Variants in INPP4B observed in about 807,000 individuals in gnomAD.
The protein encoded by INPP4B is inositol polyphosphate 4-phosphatase type II.
A neutral mutation model predicts 122.5 loss-of-function variants in INPP4B; 55 were observed. That is an observed-to-expected ratio of 0.45 (90% CI 0.36 to 0.56). The LOEUF is 0.56. Among genes scored for constraint, INPP4B ranks in the 20% least tolerant of loss-of-function variants. The probability of loss-of-function intolerance (pLI) is 0.00; values close to 1 mark genes in which losing one functional copy is unlikely to be tolerated. For synonymous variants in INPP4B, 403 were observed against 388.7 expected (o/e 1.04, Z -0.43); for missense variants, 1,000 against 1,097.7 (o/e 0.91, Z 1.26).
chr4:142,520,366 A>G (rs571869855), intron 2 of INPP4B, among the ~76,000 whole-genome samples: 102 of 152,086 alleles, frequency 6.7e-4, no homozygotes, highest in African/African-American at 2.3e-3. Flanking sequence ...TAACTTTAAA[A>G]ATTTGATATT....
chr4:142,077,969 G>A (rs2152512196), intron 25 of INPP4B, among the ~76,000 whole-genome samples: 1 of 135,756 alleles, frequency 7.4e-6, no homozygotes, highest in African/African-American at 2.6e-5. Context: ...AAAAAAAAAA[G>A]TTTTCTAGAT....
At chr4:142,363,875 A>G (rs1561936423) in intron 7 of INPP4B, among the ~76,000 whole-genome samples, 1 of 152,006 alleles carries the variant, frequency 6.6e-6, no homozygotes, top group East Asian at 1.9e-4. Flanking sequence ...GGATGATCTG[A>G]GTGGAGAAAG....
At chr4:142,073,255 T>C (rs1368039226) in intron 25 of INPP4B, among the ~76,000 whole-genome samples, 2 of 152,296 alleles carry the variant, frequency 1.3e-5, no homozygotes, top group Admixed American at 1.3e-4. Flanking sequence ...TAATTATGCA[T>C]AATGCATTTT....
At chr4:142,335,041 T>G (rs1387897760) in intron 7 of INPP4B, among the ~76,000 whole-genome samples, 2 of 132,914 alleles carry the variant, frequency 1.5e-5, no homozygotes, top group African/African-American at 2.9e-5. Context: ...TTCTAAGACC[T>G]CCTAAGAATA....
At chr4:142,201,210 T>A (rs1840481438) in intron 14 of INPP4B, among the ~76,000 whole-genome samples, 1 of 152,170 alleles carries the variant, frequency 6.6e-6, no homozygotes, top group African/African-American at 2.4e-5. Context: ...AGAACTGACA[T>A]GAATTTAAGC....
chr4:142,714,751 C>T (rs1763548453), intron 2 of INPP4B, among the ~76,000 whole-genome samples: 1 of 152,044 alleles, frequency 6.6e-6, no homozygotes, highest in East Asian at 1.9e-4. Context: ...ATATCCACTC[C>T]ACAGCCAGAG....
chr4:142,165,538 A>G (rs2152924230), intron 16 of INPP4B, among the ~76,000 whole-genome samples: 1 of 151,902 alleles, frequency 6.6e-6, no homozygotes, highest in South Asian at 2.1e-4. Flanking sequence ...AATATAAATG[A>G]GAATTTGTAT....
intron 2 of INPP4B, among the ~76,000 whole-genome samples, chr4:142,528,465 C>T (rs774740426): frequency 2.6e-5 from 4 of 152,100 alleles, no homozygotes; most frequent in Non-Finnish European, 5.9e-5. Flanking sequence ...AGACCACTCT[C>T]TATTCCTTGC....
intron 2 of INPP4B, among the ~76,000 whole-genome samples, chr4:142,705,619 C>T (rs991401550): frequency 5.9e-5 from 9 of 152,040 alleles, no homozygotes; most frequent in Non-Finnish European, 1.0e-4. Context: ...CTAATGGTTC[C>T]GAGCATGAGT....
chr4:142,329,132 A>G (rs1232335065), intron 7 of INPP4B, among the ~76,000 whole-genome samples: 1 of 152,246 alleles, frequency 6.6e-6, no homozygotes, highest in African/African-American at 2.4e-5. Context: ...GAAGACATGG[A>G]CAATATCAAA....
chr4:142,546,876 T>A (rs1829701883), intron 2 of INPP4B, among the ~76,000 whole-genome samples: 1 of 152,064 alleles, frequency 6.6e-6, no homozygotes, highest in Admixed American at 6.6e-5. Flanking sequence ...CTGAGTAATA[T>A]TAAGAAACTA....
chr4:142,339,120 C>T (rs1028230967), intron 7 of INPP4B, among the ~76,000 whole-genome samples: 1 of 152,140 alleles, frequency 6.6e-6, no homozygotes, highest in Non-Finnish European at 1.5e-5. Context: ...GAAACTCTTC[C>T]CTCCCTTTCC....
intron 2 of INPP4B, among the ~76,000 whole-genome samples, chr4:142,499,953 AG>A (rs1823157717): frequency 6.6e-6 from 1 of 152,148 alleles, no homozygotes; most frequent in Non-Finnish European, 1.5e-5. Flanking sequence ...CACTAATGAC[AG>A]CCTGAGGCCA....
At chr4:142,263,637 AAAAT>A (rs1300426653) in intron 10 of INPP4B, among the ~76,000 whole-genome samples, 1 of 42,216 alleles carries the variant, frequency 2.4e-5, no homozygotes, top group Non-Finnish European at 5.4e-5. Flanking sequence ...ATAAATTCGT[AAAAT>A]ATATATATAT....
chr4:142,542,151 C>G (rs1275971413), intron 2 of INPP4B, among the ~76,000 whole-genome samples: 1 of 152,156 alleles, frequency 6.6e-6, no homozygotes, highest in East Asian at 1.9e-4. Context: ...GGATCTCAGG[C>G]CTGGAGGAGG....
intron 1 of INPP4B, among the ~76,000 whole-genome samples, chr4:142,738,516 G>A (rs1030887442): frequency 6.6e-5 from 10 of 151,936 alleles, no homozygotes; most frequent in Non-Finnish European, 1.3e-4. Flanking sequence ...GTTAAATGAC[G>A]AGTTAGTGGG....
intron 2 of INPP4B, among the ~76,000 whole-genome samples, chr4:142,671,182 A>T (rs1370302193): frequency 1.3e-5 from 2 of 152,160 alleles, no homozygotes; most frequent in African/African-American, 4.8e-5. Context: ...TCAGAGGATC[A>T]TTATAACCAC....
At chr4:142,738,704 T>A (rs1218815601) in intron 1 of INPP4B, among the ~76,000 whole-genome samples, 1 of 152,088 alleles carries the variant, frequency 6.6e-6, no homozygotes, top group Non-Finnish European at 1.5e-5. Context: ...GTATTCCCCA[T>A]ATGTGTCTAC....
At chr4:142,524,640 A>C (rs1265639573) in intron 2 of INPP4B, among the ~76,000 whole-genome samples, 2 of 152,200 alleles carry the variant, frequency 1.3e-5, no homozygotes, top group African/African-American at 2.4e-5. Context: ...CAAAAACCAC[A>C]TGATTATCTC....
Sources: allele counts gnomAD v4.1 joint callset (sites outside exome capture counted in the v4.1 genomes callset), GRCh38; gene constraint gnomAD v4.1.1; transcripts MANE v1.5; gene names NCBI Gene and HGNC (gene_info 2026-07-23, HGNC 2026-07-21).